The following TMEM132B variants were observed in gnomAD, a reference collection of about 807,000 sequenced individuals.
The protein encoded by TMEM132B is transmembrane protein 132B.
A neutral mutation model predicts 90.8 loss-of-function variants in TMEM132B; 18 were observed. That is an observed-to-expected ratio of 0.20 (90% confidence interval 0.14 to 0.29). The LOEUF is 0.29. Among genes scored for constraint, TMEM132B ranks in the 10% least tolerant of loss-of-function variants. The probability of loss-of-function intolerance (pLI) is 1.00; values close to 1 mark genes in which losing one functional copy is unlikely to be tolerated. For synonymous variants in TMEM132B, 504 were observed against 523.3 expected, an observed-to-expected ratio of 0.96 and a Z score of 0.50; for missense variants, 1,096 against 1,326.8, an observed-to-expected ratio of 0.83 and a Z score of 2.70.
chr12:125,357,386 C>T (rs1477011376), intron 2 of TMEM132B, among the ~76,000 whole-genome samples: 1 of 152,156 alleles, frequency 6.6e-6, no homozygotes, highest in Non-Finnish European at 1.5e-5. Flanking sequence ...CATCATGTGC[C>T]ACCTTCATAA....
chr12:125,434,733 C>A (rs2136413110), intron 3 of TMEM132B, among the ~76,000 whole-genome samples: 1 of 152,356 alleles, frequency 6.6e-6, no homozygotes, highest in African/African-American at 2.4e-5. Flanking sequence ...CTGTTCTAAT[C>A]TCTGTGTTTT....
At chr12:125,518,811 A>G (rs1458607646) in intron 3 of TMEM132B, among the ~76,000 whole-genome samples, 2 of 152,130 alleles carry the variant, frequency 1.3e-5, no homozygotes, top group Admixed American at 1.3e-4. Context: ...ATTACTTCTA[A>G]TCCCATTTGG....
chr12:125,268,058 C>G (rs1469124310), intron 1 of TMEM132B, among the ~76,000 whole-genome samples: 1 of 152,038 alleles, frequency 6.6e-6, no homozygotes, highest in African/African-American at 2.4e-5. Context: ...CCAGCCTGAG[C>G]AACTTAGCAA....
intron 5 of TMEM132B, chr12:125,584,903 T>C (rs1023181405): frequency 3.3e-5 from 5 of 152,240 alleles, no homozygotes; most frequent in Admixed American, 1.3e-4. Context: ...AAGTCCAATC[T>C]ATTCAGCTAT....
At chr12:125,476,500 T>C (rs1297225344) in intron 3 of TMEM132B, among the ~76,000 whole-genome samples, 1 of 152,244 alleles carries the variant, frequency 6.6e-6, no homozygotes, top group Non-Finnish European at 1.5e-5. Flanking sequence ...TAACAGTCCA[T>C]TGTATGGATA....
intron 1 of TMEM132B, among the ~76,000 whole-genome samples, chr12:125,322,752 A>T (rs529947650): frequency 1.5e-4 from 23 of 152,314 alleles, no homozygotes; most frequent in African/African-American, 4.6e-4. Flanking sequence ...GATTATAATT[A>T]AAAAAATTCC....
Position 125,415,615 on chromosome 12 carries a change from T to G in TMEM132B, c.1044T>G (p.Asn348Lys). ...DQWAVQEEID[N>K]GSTQTSATLT... ...GGGCAGTCCAGGAGGAAATTGATAATGGCAGCACTCAGACGTCGGCCACCC... is the reference window on the plus strand; with the variant it reads ...GGGCAGTCCAGGAGGAAATTGATAAGGGCAGCACTCAGACGTCGGCCACCC... Residue 348 changes from asparagine (N) to lysine (K), a missense_variant, in exon 3 of 9, where the codon AAT becomes AAG. Asn to Lys is a moderately conservative substitution (Grantham distance 94). Coordinates refer to ENST00000682704, the MANE Select transcript of TMEM132B (RefSeq NM_001366854.1). The surrounding 1 kb of genome is among the most constrained non-coding windows in gnomAD (Gnocchi z 5.3). The G allele has an allele frequency of 1.2e-6, 2 of 1,614,176 alleles. No homozygotes were observed. The highest frequency in any genetic ancestry group is 1.7e-6 in the Non-Finnish European group (2 of 1,180,036).
intron 5 of TMEM132B, among the ~76,000 whole-genome samples, chr12:125,643,304 C>T (rs936604158): frequency 2.6e-5 from 4 of 152,168 alleles, no homozygotes; most frequent in African/African-American, 9.7e-5. Flanking sequence ...GCTCATGAAA[C>T]GATTTGTGAT....
Position 125,499,661 on chromosome 12 carries a change from G to A in TMEM132B, c.1107-19778G>A, listed in dbSNP as rs980201186. On this transcript the variant is annotated intron_variant, in intron 3 of 8. Transcript: ENST00000682704. ...CTATAAACGCCCTCATCTTGCCACG[G>A]CTCTTCTAGGCCTCTTTAGGGTTAA... 2.2e-4 allele frequency among the ~76,000 whole-genome samples: 33 copies of A among 152,230 alleles called. 1 individual carries two copies. Among genetic ancestry groups the A allele is most frequent in the Admixed American group, 1.8e-3 (27 of 15,298 alleles).
intron 1 of TMEM132B, among the ~76,000 whole-genome samples, chr12:125,192,916 G>T (rs567810677): frequency 3.9e-5 from 6 of 152,320 alleles, no homozygotes; most frequent in African/African-American, 1.4e-4. Context: ...TGTAAAATGG[G>T]CGCCGAAATT....
At chr12:125,455,583 C>G (rs1255163318) in intron 3 of TMEM132B, among the ~76,000 whole-genome samples, 1 of 151,870 alleles carries the variant, frequency 6.6e-6, no homozygotes, top group Non-Finnish European at 1.5e-5. Context: ...TCTTTCTTTA[C>G]TATTTTCTGA....
intron 1 of TMEM132B, among the ~76,000 whole-genome samples, chr12:125,227,732 T>C (rs1443855696): frequency 6.6e-6 from 1 of 152,156 alleles, no homozygotes; most frequent in Admixed American, 6.5e-5. Flanking sequence ...CTTGTGCAGG[T>C]CCAGCATTCC....
At chr12:125,466,596 A>C (rs1352807603) in intron 3 of TMEM132B, among the ~76,000 whole-genome samples, 1 of 152,228 alleles carries the variant, frequency 6.6e-6, no homozygotes, top group South Asian at 2.1e-4. Flanking sequence ...TGAATTATGA[A>C]TGTTTCACAG....
intron 1 of TMEM132B, among the ~76,000 whole-genome samples, chr12:125,258,903 C>T (rs573680189): frequency 1.3e-5 from 2 of 152,170 alleles, no homozygotes; most frequent in Non-Finnish European, 2.9e-5. Context: ...GAGAAGGAGC[C>T]ATCCTTGGAA....
At chr12:125,531,347 G>A (rs890721869) in intron 4 of TMEM132B, among the ~76,000 whole-genome samples, 8 of 152,032 alleles carry the variant, frequency 5.3e-5, no homozygotes, top group Non-Finnish European at 1.2e-4. Context: ...CACAACACCC[G>A]GCTGATTTTT....
At chr12:125,303,593 A>G (rs1283182146) in intron 1 of TMEM132B, among the ~76,000 whole-genome samples, 3 of 152,070 alleles carry the variant, frequency 2.0e-5, no homozygotes, top group Non-Finnish European at 4.4e-5. Flanking sequence ...ACCATTTTAT[A>G]TTTTCGCCAG....
At chr12:125,316,242 C>T (rs1876268803) in intron 1 of TMEM132B, among the ~76,000 whole-genome samples, 1 of 152,216 alleles carries the variant, frequency 6.6e-6, no homozygotes, top group Admixed American at 6.5e-5. Context: ...TCCTCCTCTA[C>T]AGGACAGTCC....
intron 2 of TMEM132B, among the ~76,000 whole-genome samples, chr12:125,389,053 CACAA>C (rs1174580740): frequency 6.1e-5 from 9 of 147,738 alleles, no homozygotes; most frequent in African/African-American, 7.5e-5. Context: ...CACACACACA[CACAA>C]ACACACAAGA....
chr12:125,493,092 C>T (rs1047607035), intron 3 of TMEM132B, among the ~76,000 whole-genome samples: 1 of 152,098 alleles, frequency 6.6e-6, no homozygotes, highest in African/African-American at 2.4e-5. Context: ...ACCTGCAGGG[C>T]AGTGGCCTGG....
Sources: gnomAD v4.1 joint callset for allele counts (sites outside exome capture counted in the v4.1 genomes callset) on GRCh38, gnomAD v4.1.1 for gene constraint, Gnocchi (gnomAD v3.1) non-coding constraint, MANE v1.5 for transcripts, NCBI Gene and HGNC (gene_info 2026-07-23, HGNC 2026-07-21) for gene names.